The following CADM2 variants were observed in gnomAD, a reference collection of about 807,000 sequenced individuals.
CADM2 encodes the protein cell adhesion molecule 2.
CADM2 carries 12 observed loss-of-function variants against 49.8 expected under a neutral mutation model. The ratio of observed to expected loss-of-function variants is 0.24; its 90% CI spans 0.15 to 0.39. CADM2 has a LOEUF of 0.39. Among genes scored for constraint, CADM2 ranks in the 10% least tolerant of loss-of-function variants. The pLI, the probability that CADM2 is intolerant of heterozygous loss-of-function variation, is 1.00. For missense variants in CADM2, 378 were observed against 492.3 expected (o/e 0.77, Z 2.20); for synonymous variants, 214 against 175.4 (o/e 1.22, Z -1.74).
chr3:85,127,215 T>A (rs1318337784), intron 1 of CADM2, among the ~76,000 whole-genome samples: 1 of 152,184 alleles, frequency 6.6e-6, no homozygotes, highest in African/African-American at 2.4e-5. Flanking sequence ...GGAAAACATA[T>A]CTACCAAAAT....
intron 1 of CADM2, among the ~76,000 whole-genome samples, chr3:85,695,410 T>A (rs749982650): frequency 6.6e-6 from 1 of 152,084 alleles, no homozygotes. Flanking sequence ...TAGCTCTCAC[T>A]TATAAGTGAG....
At chr3:85,139,064 G>A (rs1273718957) in intron 1 of CADM2, among the ~76,000 whole-genome samples, 1 of 152,086 alleles carries the variant, frequency 6.6e-6, no homozygotes, top group African/African-American at 2.4e-5. Flanking sequence ...TGCAGGTTGG[G>A]CAGTTATCTG....
intron 3 of CADM2, among the ~76,000 whole-genome samples, chr3:85,833,475 T>A (rs1399644776): frequency 6.6e-6 from 1 of 151,756 alleles, no homozygotes; most frequent in African/African-American, 2.4e-5. Context: ...TCTTTTTGGT[T>A]GGTAGGTTTT....
intron 1 of CADM2, among the ~76,000 whole-genome samples, chr3:85,365,199 C>CTTTTTTTTTTTTTTTTTTTTTTTTTTTTT (rs397962829): frequency 9.5e-6 from 1 of 104,716 alleles, no homozygotes; most frequent in South Asian, 3.5e-4. Flanking sequence ...TTTTTTTTTA[C>CTTTTTTTTTTTTTTTTTTTTTTTTTTTTT]TTTTTTTTTT....
chr3:85,763,647 C>T (rs2069507132), intron 2 of CADM2, among the ~76,000 whole-genome samples: 1 of 152,170 alleles, frequency 6.6e-6, no homozygotes, highest in African/African-American at 2.4e-5. Context: ...CCTTGGTCTT[C>T]CTGCTAAACG....
chr3:85,222,643 AT>A (rs1257134061), intron 1 of CADM2, among the ~76,000 whole-genome samples: 2 of 152,172 alleles, frequency 1.3e-5, no homozygotes, highest in African/African-American at 4.8e-5. Flanking sequence ...AAACTCTTAA[AT>A]TCTTCATATT....
At chr3:85,160,375 T>C (rs1455802165) in intron 1 of CADM2, among the ~76,000 whole-genome samples, 1 of 152,172 alleles carries the variant, frequency 6.6e-6, no homozygotes, top group Non-Finnish European at 1.5e-5. Context: ...ATTTGATTTC[T>C]TAAAAGAAAC....
At chr3:85,156,240 G>C (rs1422803461) in intron 1 of CADM2, among the ~76,000 whole-genome samples, 9 of 151,436 alleles carry the variant, frequency 5.9e-5, no homozygotes, top group Non-Finnish European at 1.3e-4. Flanking sequence ...GACTAATAAA[G>C]AAAAAAAGAG....
intron 1 of CADM2, among the ~76,000 whole-genome samples, chr3:85,071,146 T>G (rs2036728863): frequency 6.6e-6 from 1 of 151,974 alleles, no homozygotes; most frequent in African/African-American, 2.4e-5. Context: ...CTTTTACTTA[T>G]AAAGTAGGAA....
chr3:85,311,897 A>T (rs573387760), intron 1 of CADM2, among the ~76,000 whole-genome samples: 1 of 152,326 alleles, frequency 6.6e-6, no homozygotes, highest in East Asian at 1.9e-4. Context: ...CGTGGACATA[A>T]AAAGGAATAA....
intron 1 of CADM2, among the ~76,000 whole-genome samples, chr3:85,448,044 C>A (rs1254734554): frequency 6.6e-6 from 1 of 152,012 alleles, no homozygotes; most frequent in Non-Finnish European, 1.5e-5. Flanking sequence ...AAAATCCTAG[C>A]AAATAGGCCG....
At chr3:85,561,500 G>A (rs1433544429) in intron 1 of CADM2, among the ~76,000 whole-genome samples, 4 of 152,034 alleles carry the variant, frequency 2.6e-5, no homozygotes, top group African/African-American at 7.2e-5. Context: ...GAGACTCCCC[G>A]CTTTTTAACA....
At chr3:85,963,590 A>G (rs956246156) in intron 8 of CADM2, among the ~76,000 whole-genome samples, 1 of 151,948 alleles carries the variant, frequency 6.6e-6, no homozygotes, top group Admixed American at 6.6e-5. Context: ...AGCATGTCAC[A>G]TTGTGTCAAA....
At chr3:85,272,926 A>AT (rs969633845) in intron 1 of CADM2, among the ~76,000 whole-genome samples, 20 of 150,972 alleles carry the variant, frequency 1.3e-4, no homozygotes, top group Non-Finnish European at 2.2e-4. Flanking sequence ...AAATACACAC[A>AT]TTTTTTTTCT....
chr3:85,532,841 A>C (rs113351222), intron 1 of CADM2, among the ~76,000 whole-genome samples: 77,947 of 152,054 alleles, frequency 0.51, 23,069 homozygotes, highest in East Asian at 0.85. Context: ...AAAATGAGAT[A>C]ATGTCCTTTG....
intron 1 of CADM2, among the ~76,000 whole-genome samples, chr3:85,138,762 G>A (rs925988988): frequency 4.6e-5 from 7 of 152,166 alleles, no homozygotes; most frequent in East Asian, 1.9e-4. Flanking sequence ...AGCACAATGT[G>A]AGTGAATATT....
chr3:85,454,420 A>C (rs760961812), intron 1 of CADM2, among the ~76,000 whole-genome samples: 1 of 152,102 alleles, frequency 6.6e-6, no homozygotes, highest in Non-Finnish European at 1.5e-5. Flanking sequence ...CACAAACTCA[A>C]AGAGGATCAC....
At chr3:85,649,547 C>A (rs2064985575) in intron 1 of CADM2, among the ~76,000 whole-genome samples, 1 of 152,148 alleles carries the variant, frequency 6.6e-6, no homozygotes, top group Non-Finnish European at 1.5e-5. Context: ...TGTAATGTCA[C>A]TGTTTTATGG....
At chr3:85,738,027 G>A (rs1381236991) in intron 2 of CADM2, among the ~76,000 whole-genome samples, 1 of 152,142 alleles carries the variant, frequency 6.6e-6, no homozygotes, top group Non-Finnish European at 1.5e-5. Flanking sequence ...GACAAGGCAG[G>A]AATGCTATTT....
Sources: allele counts gnomAD v4.1 joint callset (sites outside exome capture counted in the v4.1 genomes callset), GRCh38; gene constraint gnomAD v4.1.1; transcripts MANE v1.5; gene names NCBI Gene and HGNC (gene_info 2026-07-23, HGNC 2026-07-21).